Variants in CTNNA3 observed in about 807,000 individuals in gnomAD.
CTNNA3 encodes the protein catenin alpha-3.
In CTNNA3, 76 loss-of-function variants were observed where a neutral mutation model predicts 95.7. That is an observed-to-expected ratio of 0.79 (90% CI 0.66 to 0.96). The LOEUF is 0.96. CTNNA3 is among the 40% of genes least tolerant of loss of function. The probability of loss-of-function intolerance (pLI) is 0.00; values close to 1 mark genes in which losing one functional copy is unlikely to be tolerated. For synonymous variants in CTNNA3, 431 were observed against 374.4 expected (o/e 1.15, Z -1.74); for missense variants, 1,191 against 1,089.8 (o/e 1.09, Z -1.31).
intron 10 of CTNNA3, among the ~76,000 whole-genome samples, chr10:66,537,388 ACC>A (rs1222981160): frequency 6.6e-6 from 1 of 152,060 alleles, no homozygotes; most frequent in African/African-American, 2.4e-5. Flanking sequence ...ATTACACAGA[ACC>A]CAGTCCATGA....
chr10:67,577,433 G>A (rs1318032391), intron 3 of CTNNA3, among the ~76,000 whole-genome samples: 1 of 152,000 alleles, frequency 6.6e-6, no homozygotes, highest in Non-Finnish European at 1.5e-5. Flanking sequence ...TTAGCCTTTT[G>A]TCAGATGAGT....
chr10:66,193,083 C>T (rs2086766574), intron 13 of CTNNA3, among the ~76,000 whole-genome samples: 2 of 152,124 alleles, frequency 1.3e-5, no homozygotes, highest in African/African-American at 2.4e-5. Flanking sequence ...TCAGCATTCA[C>T]GAAAGCCATT....
At chr10:66,213,271 A>C (rs73313943) in intron 13 of CTNNA3, among the ~76,000 whole-genome samples, 6,142 of 152,178 alleles carry the variant, frequency 0.04, 160 homozygotes, top group African/African-American at 0.044. Context: ...TCATATTTGA[A>C]GATGAGTGTA....
At position 67,414,120 on chromosome 10, in the gene CTNNA3, C is replaced by T. The variant is rs951752483; in HGVS notation, c.579+107722G>A. 3.3e-5 allele frequency among the ~76,000 whole-genome samples: 5 copies of T among 152,062 alleles called. No individual in the cohort carries two copies. In the East Asian group the frequency reaches 9.7e-4, roughly 29 times the overall value. ...CTTAATGAAATTGAGATGCAATAAA[C>T]CATACAAAAGACCAATGAAACCAAG... On this transcript the variant is annotated intron_variant, in intron 5 of 17. Coordinates refer to ENST00000433211, the MANE Select transcript of CTNNA3 (RefSeq NM_013266.4).
At chr10:67,582,699 T>C (rs1842450238) in intron 3 of CTNNA3, among the ~76,000 whole-genome samples, 1 of 151,844 alleles carries the variant, frequency 6.6e-6, no homozygotes, top group African/African-American at 2.4e-5. Flanking sequence ...AGTCTAAGTC[T>C]CTTTGTAGGT....
intron 5 of CTNNA3, among the ~76,000 whole-genome samples, chr10:67,352,565 G>C (rs1352484523): frequency 6.6e-6 from 1 of 151,570 alleles, no homozygotes; most frequent in Admixed American, 6.6e-5. Flanking sequence ...CTAATTCACT[G>C]TGGCTAACTA....
chr10:67,105,251 A>AGATAGATAGATAGATAGATAGAT (rs1463934791), intron 7 of CTNNA3, among the ~76,000 whole-genome samples: 1 of 152,058 alleles, frequency 6.6e-6, no homozygotes, highest in African/African-American at 2.4e-5. Context: ...ATAGATAGAT[A>AGATAGATAGATAGATAGATAGAT]GATAGATAGA....
intron 9 of CTNNA3, among the ~76,000 whole-genome samples, chr10:66,690,739 T>C (rs1847494816): frequency 6.6e-6 from 1 of 151,934 alleles, no homozygotes; most frequent in Non-Finnish European, 1.5e-5. Flanking sequence ...ACATTTGGGT[T>C]GGTTCCAAGT....
intron 13 of CTNNA3, among the ~76,000 whole-genome samples, chr10:66,265,417 A>C (rs1161763297): frequency 1.3e-5 from 2 of 151,990 alleles, no homozygotes; most frequent in Non-Finnish European, 2.9e-5. Context: ...TTAAAATGCA[A>C]ATTGGATCAT....
intron 14 of CTNNA3, among the ~76,000 whole-genome samples, chr10:66,074,968 T>G (rs896900114): frequency 2.0e-5 from 3 of 151,860 alleles, no homozygotes; most frequent in African/African-American, 7.2e-5. Context: ...AGCTCAAAAT[T>G]TTATATCACT....
intron 11 of CTNNA3, among the ~76,000 whole-genome samples, chr10:66,396,479 A>G (rs2092978808): frequency 6.6e-6 from 1 of 152,050 alleles, no homozygotes; most frequent in South Asian, 2.1e-4. Context: ...TTTCGCCTCA[A>G]TTATAAATTG....
At chr10:67,262,147 A>C (rs1229278371) in intron 5 of CTNNA3, among the ~76,000 whole-genome samples, 1 of 152,192 alleles carries the variant, frequency 6.6e-6, no homozygotes. Context: ...GAAAGAGAGA[A>C]GAGAAAAGGC....
chr10:66,767,586 AGCT>A (rs1839920131), intron 8 of CTNNA3, among the ~76,000 whole-genome samples: 1 of 152,182 alleles, frequency 6.6e-6, no homozygotes, highest in Non-Finnish European at 1.5e-5. Flanking sequence ...ACAGATAAAT[AGCT>A]GTCAGACAGA....
chr10:66,506,282 T>C (rs2441734), intron 11 of CTNNA3, among the ~76,000 whole-genome samples: 107,736 of 151,956 alleles, frequency 0.71, 38,698 homozygotes, highest in East Asian at 0.98. Flanking sequence ...TTGGAGGGGT[T>C]GAATGTCCAA....
intron 13 of CTNNA3, among the ~76,000 whole-genome samples, chr10:66,274,073 C>CA (rs1249180188): frequency 6.6e-6 from 1 of 152,018 alleles, no homozygotes; most frequent in African/African-American, 2.4e-5. Flanking sequence ...AAGGCTAAAA[C>CA]AAAATCTCTA....
chr10:66,120,916 G>T (rs1026157156), intron 13 of CTNNA3, among the ~76,000 whole-genome samples: 1 of 152,186 alleles, frequency 6.6e-6, no homozygotes, highest in Non-Finnish European at 1.5e-5. Flanking sequence ...TGCACTCCTT[G>T]TTGTCCCCTA....
intron 17 of CTNNA3, among the ~76,000 whole-genome samples, chr10:65,959,474 G>A (rs2077798497): frequency 6.6e-6 from 1 of 152,142 alleles, no homozygotes; most frequent in African/African-American, 2.4e-5. Context: ...TATCGCTCAT[G>A]CTGGGAGCTG....
At chr10:66,745,693 C>A (rs1274132274) in intron 9 of CTNNA3, among the ~76,000 whole-genome samples, 1 of 150,552 alleles carries the variant, frequency 6.6e-6, no homozygotes, top group African/African-American at 2.4e-5. Context: ...GGGTTTACAC[C>A]ATTCTCCTGC....
At position 67,483,539 on chromosome 10, in the gene CTNNA3, T is replaced by C. The variant is rs182218087; in HGVS notation, c.579+38303A>G. ...AGGACAAAAAACCAAACACCGCATG[T>C]TCTCACTCATAGGTGGGAATTGAAC... On this transcript the variant is annotated intron_variant, in intron 5 of 17. Transcript: ENST00000433211. Among the ~76,000 whole-genome samples, 543 of 151,476 alleles carry C rather than the reference T, an allele frequency of 3.6e-3. 8 individuals carry two copies. The highest frequency in any genetic ancestry group is 0.013 in the African/African-American group (521 of 41,134).
Sources: allele counts gnomAD v4.1 joint callset (sites outside exome capture counted in the v4.1 genomes callset), GRCh38; gene constraint gnomAD v4.1.1; transcripts MANE v1.5; gene names NCBI Gene and HGNC (gene_info 2026-07-23, HGNC 2026-07-21).